Variants in CLVS2 observed in about 807,000 individuals in gnomAD.
CLVS2 encodes clavesin 2, also known as clavesin-2.
Under a neutral mutation model 29.0 loss-of-function variants are expected in CLVS2, and 19 were observed. The observed-to-expected ratio is 0.66, with a 90% CI of 0.46 to 0.96. The LOEUF is 0.96. Ranked by LOEUF, CLVS2 falls within the 40% of genes least tolerant of loss-of-function variation. The pLI, the probability that CLVS2 is intolerant of heterozygous loss-of-function variation, is 0.00. For missense variants in CLVS2, 294 were observed against 404.1 expected (o/e 0.73, Z 2.34); for synonymous variants, 161 against 151.3 (o/e 1.06, Z -0.47).
At chr6:123,035,782 A>G (rs1775145205) in intron 3 of CLVS2, among the ~76,000 whole-genome samples, 1 of 152,154 alleles carries the variant, frequency 6.6e-6, no homozygotes, top group African/African-American at 2.4e-5. Flanking sequence ...CATTTCAAGG[A>G]AAAAGTTGAA....
At chr6:123,027,324 T>C (rs1775017404) in intron 3 of CLVS2, among the ~76,000 whole-genome samples, 1 of 152,184 alleles carries the variant, frequency 6.6e-6, no homozygotes, top group Non-Finnish European at 1.5e-5. Flanking sequence ...TGGGATAATT[T>C]TAAAGAGAAA....
At chr6:123,061,174 G>A (rs1047707915) in intron 5 of CLVS2, among the ~76,000 whole-genome samples, 4 of 152,106 alleles carry the variant, frequency 2.6e-5, no homozygotes, top group African/African-American at 9.7e-5. Flanking sequence ...GGTGGTGCAC[G>A]CTTGTAATCC....
intron 2 of CLVS2, among the ~76,000 whole-genome samples, chr6:123,002,030 C>T (rs1275617762): frequency 6.6e-6 from 1 of 152,196 alleles, no homozygotes; most frequent in Admixed American, 6.5e-5. Context: ...GTACAGCAAA[C>T]AACCATTTAT....
At chr6:123,020,331 A>G (rs1464171439) in intron 3 of CLVS2, among the ~76,000 whole-genome samples, 2 of 152,088 alleles carry the variant, frequency 1.3e-5, no homozygotes, top group Non-Finnish European at 2.9e-5. Context: ...ATGCCATATC[A>G]GTGCTCAAAA....
At chr6:123,020,049 T>C (rs540498615) in intron 3 of CLVS2, among the ~76,000 whole-genome samples, 2 of 152,032 alleles carry the variant, frequency 1.3e-5, no homozygotes, top group Admixed American at 6.6e-5. Flanking sequence ...TTACTCAGTC[T>C]ATCCATTCAA....
chr6:123,005,926 C>A (rs924955705), intron 2 of CLVS2, among the ~76,000 whole-genome samples: 11 of 152,136 alleles, frequency 7.2e-5, no homozygotes, highest in Admixed American at 2.6e-4. Context: ...ATGGTCTATG[C>A]CCTTGGGAAA....
chr6:123,005,689 G>T (rs964531874), intron 2 of CLVS2, among the ~76,000 whole-genome samples: 1 of 152,152 alleles, frequency 6.6e-6, no homozygotes, highest in Non-Finnish European at 1.5e-5. Flanking sequence ...CATGGCCAGA[G>T]GCAGGAGAAG....
rs1479417662 is a variant in CLVS2 at position 122,997,897 on chromosome 6, C to A, written c.120C>A (p.Thr40=). Residue 40 remains threonine, a synonymous_variant, in exon 2 of 6, where the codon ACC becomes ACA. Coordinates refer to ENST00000275162, the MANE Select transcript of CLVS2 (RefSeq NM_001010852.4). The part of the protein sequence containing the change: ...DIQEVRDMVI[T]RPDIGFLRTD... The stretch of plus-strand genomic sequence containing the variant: ...AGGAGGTGAGGGATATGGTCATCAC[C>A]AGGCCGGACATTGGCTTTCTGCGCA... 1.9e-6 allele frequency: 3 copies of A among 1,614,198 alleles called. No homozygotes were observed. The highest frequency in any genetic ancestry group is 2.5e-6 in the Non-Finnish European group (3 of 1,180,040).
intron 3 of CLVS2, among the ~76,000 whole-genome samples, chr6:123,025,268 G>A (rs987293727): frequency 1.3e-5 from 2 of 152,122 alleles, no homozygotes; most frequent in African/African-American, 4.8e-5. Context: ...TAGAGTGGGA[G>A]TGAATAGGTG....
In CLVS2 at chr6:123,063,730, A is replaced by C; in HGVS notation, c.953A>C (p.Glu318Ala). 1 of 1,611,320 alleles carries C rather than the reference A, an allele frequency of 6.2e-7. No homozygotes were observed. The highest frequency in any genetic ancestry group is 8.5e-7 in the Non-Finnish European group (1 of 1,177,708). The change falls in exon 6 of 6, where the codon GAA becomes GCA. Residue 318 changes from glutamate to alanine, a missense_variant. Glu to Ala is a moderately radical substitution (Grantham distance 107, BLOSUM62 -1). Transcript: ENST00000275162. ...AAACGCATGGATAAAAATGAGGAAG[A>C]AAACATGCAACCATTGCTTTCTCTG... ...VLKRMDKNEE[E>A]NMQPLLSLD is the part of the protein sequence containing the mutation.
At chr6:123,049,807 G>GGA (rs201266693) in intron 4 of CLVS2, among the ~76,000 whole-genome samples, 2,774 of 143,386 alleles carry the variant, frequency 0.019, 84 homozygotes, top group South Asian at 0.091. Context: ...TGTGGGATGG[G>GGA]GGGCGGGGAG....
chr6:123,057,959 T>C (rs1772719457), intron 5 of CLVS2, among the ~76,000 whole-genome samples: 2 of 152,224 alleles, frequency 1.3e-5, no homozygotes, highest in Non-Finnish European at 2.9e-5. Context: ...ATGTACTATA[T>C]GTATATGTCA....
intron 4 of CLVS2, 61 bp from the exon 5 acceptor site, chr6:123,055,745 T>G: frequency 1.7e-6 from 2 of 1,194,970 alleles, no homozygotes; most frequent in Non-Finnish European, 2.5e-6. Flanking sequence ...CCCTGTAGGA[T>G]TTAGATGGTA....
chr6:123,018,219 A>G (rs1025587141), intron 3 of CLVS2, among the ~76,000 whole-genome samples: 6 of 152,116 alleles, frequency 3.9e-5, no homozygotes, highest in African/African-American at 1.4e-4. Flanking sequence ...CTAGAGAACA[A>G]AAAAGATGAG....
At chr6:123,010,248 A>G (rs570188072) in intron 2 of CLVS2, among the ~76,000 whole-genome samples, 1 of 152,012 alleles carries the variant, frequency 6.6e-6, no homozygotes, top group Non-Finnish European at 1.5e-5. Flanking sequence ...TTAATCTCCA[A>G]CCAGTGTCTT....
At chr6:123,058,134 G>A (rs979311815) in intron 5 of CLVS2, among the ~76,000 whole-genome samples, 16 of 152,106 alleles carry the variant, frequency 1.1e-4, no homozygotes, top group Non-Finnish European at 2.1e-4. Context: ...TACTTTTCAT[G>A]AAGTAGGTGT....
intron 4 of CLVS2, 81 bp from the exon 5 acceptor site, chr6:123,055,725 C>A: frequency 1.0e-6 from 1 of 999,348 alleles, no homozygotes. Flanking sequence ...TATTGCTATC[C>A]TCACATCCCC....
At chr6:123,005,857 A>G (rs1405872928) in intron 2 of CLVS2, among the ~76,000 whole-genome samples, 1 of 152,208 alleles carries the variant, frequency 6.6e-6, no homozygotes, top group Non-Finnish European at 1.5e-5. Context: ...TTATATTTAA[A>G]TGATGCCATT....
intron 3 of CLVS2, among the ~76,000 whole-genome samples, chr6:123,037,168 C>T (rs1775165816): frequency 6.6e-6 from 1 of 151,956 alleles, no homozygotes; most frequent in Non-Finnish European, 1.5e-5. Flanking sequence ...ACTTGAAATT[C>T]ACATCACTCT....
Sources: gnomAD v4.1 joint callset for allele counts (sites outside exome capture counted in the v4.1 genomes callset) on GRCh38, gnomAD v4.1.1 for gene constraint, MANE v1.5 for transcripts, NCBI Gene and HGNC (gene_info 2026-07-23, HGNC 2026-07-21) for gene names.